Variants in TRPM3 observed in about 807,000 individuals in gnomAD.
The protein encoded by TRPM3 is long transient receptor potential channel 3.
Under a neutral mutation model 181.2 loss-of-function variants are expected in TRPM3, and 77 were observed. That is an observed-to-expected ratio of 0.42 (90% CI 0.35 to 0.51). The LOEUF is 0.51. TRPM3 is among the 20% of genes least tolerant of loss of function. The pLI, the probability that TRPM3 is intolerant of heterozygous loss-of-function variation, is 0.01. For missense variants in TRPM3, 1,759 were observed against 2,196.7 expected (o/e 0.80, Z 3.98); for synonymous variants, 745 against 796.4 (o/e 0.94, Z 1.09).
intron 8 of TRPM3, among the ~76,000 whole-genome samples, chr9:70,684,575 A>AT (rs572972021): frequency 1.2e-3 from 185 of 151,914 alleles, no homozygotes; most frequent in Admixed American, 2.9e-3. Context: ...TTAATTATAT[A>AT]TTTTTCATAT....
intron 9 of TRPM3, among the ~76,000 whole-genome samples, chr9:70,664,280 A>G (rs572808893): frequency 6.6e-6 from 1 of 152,306 alleles, no homozygotes; most frequent in South Asian, 2.1e-4. Context: ...AATTAAGTAC[A>G]GATAGCCCTA....
chr9:70,804,060 G>T (rs2090035321), intron 6 of TRPM3, among the ~76,000 whole-genome samples: 1 of 151,994 alleles, frequency 6.6e-6, no homozygotes. Flanking sequence ...GCCAGGCATG[G>T]TGGCTCATGC....
At chr9:70,940,066 C>T (rs1327977297) in intron 1 of TRPM3, among the ~76,000 whole-genome samples, 1 of 152,172 alleles carries the variant, frequency 6.6e-6, no homozygotes, top group Non-Finnish European at 1.5e-5. Context: ...AGGGTTCCTG[C>T]AGGTGCTGGA....
chr9:70,787,763 C>CTTTTTTTTTTTTTTTTTTTTTTTTAT, intron 6 of TRPM3, among the ~76,000 whole-genome samples: 1 of 68,558 alleles, frequency 1.5e-5, no homozygotes, highest in Admixed American at 1.8e-4. Flanking sequence ...TTTTTGGATT[C>CTTTTTTTTTTTTTTTTTTTTTTTTAT]TTTTTTTTTT....
intron 1 of TRPM3, among the ~76,000 whole-genome samples, chr9:70,908,413 T>C (rs2096496045): frequency 6.6e-6 from 1 of 152,220 alleles, no homozygotes; most frequent in Non-Finnish European, 1.5e-5. Context: ...CCAAATGAGC[T>C]GGACAAAATA....
intron 1 of TRPM3, among the ~76,000 whole-genome samples, chr9:71,174,031 G>T (rs917275481): frequency 1.3e-5 from 2 of 152,090 alleles, no homozygotes; most frequent in Non-Finnish European, 2.9e-5. Flanking sequence ...AGTGATAGCC[G>T]ACTCTGCATA....
chr9:71,315,293 T>G (rs186906678), intron 1 of TRPM3, among the ~76,000 whole-genome samples: 5 of 152,300 alleles, frequency 3.3e-5, no homozygotes, highest in Admixed American at 1.3e-4. Flanking sequence ...TTGATTTACA[T>G]TCACACATGA....
intron 1 of TRPM3, among the ~76,000 whole-genome samples, chr9:70,996,639 G>C (rs556460456): frequency 2.0e-5 from 3 of 151,932 alleles, no homozygotes; most frequent in Middle Eastern, 3.2e-3. Context: ...CTTTAGATCA[G>C]CTCCCTGTCT....
intron 1 of TRPM3, among the ~76,000 whole-genome samples, chr9:71,010,848 T>C (rs1357308027): frequency 6.6e-6 from 1 of 151,894 alleles, no homozygotes; most frequent in African/African-American, 2.4e-5. Flanking sequence ...GCAGCACTAT[T>C]TGCAATAGCC....
At chr9:71,275,577 G>A (rs1178639076) in intron 1 of TRPM3, among the ~76,000 whole-genome samples, 1 of 152,058 alleles carries the variant, frequency 6.6e-6, no homozygotes. Flanking sequence ...TCTATAATAT[G>A]TAGGGAATTA....
intron 1 of TRPM3, among the ~76,000 whole-genome samples, chr9:71,269,756 T>C (rs1166116460): frequency 1.3e-5 from 2 of 152,222 alleles, no homozygotes; most frequent in Non-Finnish European, 2.9e-5. Flanking sequence ...TTTTTGCCTG[T>C]AGTTCCCTGT....
chr9:70,701,586 T>C (rs2072601396), intron 8 of TRPM3, among the ~76,000 whole-genome samples: 1 of 146,706 alleles, frequency 6.8e-6, no homozygotes, highest in Admixed American at 6.9e-5. Context: ...TTCTTGCATA[T>C]ATTCTGGGGT....
Position 70,625,221 on chromosome 9 carries a change from G to A in TRPM3, c.1779C>T (p.Thr593=), listed in dbSNP as rs375256117. The A allele has an allele frequency of 7.4e-6, 12 of 1,614,036 alleles. No individual in the cohort carries two copies. The highest frequency in any genetic ancestry group is 1.0e-5 in the Non-Finnish European group (12 of 1,179,998). Residue 593 remains threonine (T), a synonymous_variant, in exon 14 of 26, where the codon ACC becomes ACT. Coordinates refer to ENST00000677713, the MANE Select transcript of TRPM3 (RefSeq NM_001366145.2). The surrounding 1 kb of genome is among the most constrained non-coding windows in gnomAD (Gnocchi z 4.8). ...TGGGGCCGAAGAGGTTGTGGTAGAG[G>A]GTCCGGAAGCGCTTGCGCGTGTAGT... is the stretch of plus-strand genomic sequence containing the variant. ...RCNYTRKRFR[T]LYHNLFGPKR... is the part of the protein sequence containing the mutation.
chr9:70,603,529 C>T (rs988876187), intron 19 of TRPM3, 59 bp from the exon 20 acceptor site: 1 of 1,599,216 alleles, frequency 6.3e-7, no homozygotes, highest in Non-Finnish European at 8.5e-7. Flanking sequence ...CCAGCATCAG[C>T]CAAGGCCACT....
chr9:71,333,088 G>C (rs2090323038), intron 1 of TRPM3, among the ~76,000 whole-genome samples: 1 of 151,762 alleles, frequency 6.6e-6, no homozygotes. Context: ...ATTTTGAACT[G>C]TGCAACAAAT....
intron 1 of TRPM3, among the ~76,000 whole-genome samples, chr9:70,872,503 G>T (rs1000022830): frequency 4.6e-5 from 7 of 151,928 alleles, no homozygotes; most frequent in African/African-American, 1.4e-4. Context: ...CATCTGGACT[G>T]CTCAAAGGTC....
intron 1 of TRPM3, among the ~76,000 whole-genome samples, chr9:71,206,903 G>A (rs535046243): frequency 2.8e-4 from 42 of 151,982 alleles, no homozygotes; most frequent in African/African-American, 1.0e-3. Flanking sequence ...GACTTAAAAT[G>A]TACAAAACCA....
At chr9:70,873,022 A>G (rs1434054386) in intron 1 of TRPM3, among the ~76,000 whole-genome samples, 2 of 151,948 alleles carry the variant, frequency 1.3e-5, no homozygotes, top group Non-Finnish European at 2.9e-5. Context: ...AACAAATACT[A>G]GTGCTTGAAG....
chr9:71,124,257 A>G (rs1024478113), upstream of TRPM3, among the ~76,000 whole-genome samples: 1 of 151,360 alleles, frequency 6.6e-6, no homozygotes, highest in Non-Finnish European at 1.5e-5. Context: ...AAGAAATTAT[A>G]TTTTCACATA....
Sources: gnomAD v4.1 joint callset for allele counts (sites outside exome capture counted in the v4.1 genomes callset) on GRCh38, gnomAD v4.1.1 for gene constraint, Gnocchi (gnomAD v3.1) non-coding constraint, MANE v1.5 for transcripts, NCBI Gene and HGNC (gene_info 2026-07-23, HGNC 2026-07-21) for gene names.